The following AK8 variants were observed in gnomAD, a reference collection of about 807,000 sequenced individuals.
AK8 encodes adenylate kinase 8.
A neutral mutation model predicts 54.6 loss-of-function variants in AK8; 44 were observed. That is an observed-to-expected ratio of 0.81 (90% CI 0.63 to 1.04). The LOEUF (loss-of-function observed/expected upper bound fraction) is 1.04, where lower values mean the gene tolerates loss of function less well. AK8 is among the 50% of genes least tolerant of loss of function. AK8 has a pLI of 0.00. For synonymous variants in AK8, 239 were observed against 245.6 expected (o/e 0.97, Z 0.25); for missense variants, 555 against 613.6 (o/e 0.90, Z 1.01).
At chr9:132,806,758 G>A (rs1286339521) in intron 10 of AK8, among the ~76,000 whole-genome samples, 1 of 152,196 alleles carries the variant, frequency 6.6e-6, no homozygotes, top group Admixed American at 6.5e-5. Flanking sequence ...CACCTCCTGG[G>A]ATCTGGACTC....
chr9:132,781,874 T>C lies in AK8; in HGVS notation c.1121+10760A>G, dbSNP rs1040459186. On this transcript the variant is annotated intron_variant, in intron 11 of 12. Coordinates refer to ENST00000298545, the MANE Select transcript of AK8 (RefSeq NM_152572.3). The surrounding 1 kb of genome is among the most constrained non-coding windows in gnomAD (Gnocchi z 4.6). ...TGAACTTGAAGGTTTACGGCTAAGA[T>C]TACTTTCTGAGTTAATCATAAAAAT... 1.7e-4 allele frequency among the ~76,000 whole-genome samples: 26 copies of C among 152,356 alleles called. No homozygotes were observed. The highest frequency in any genetic ancestry group is 6.0e-4 in the African/African-American group (25 of 41,582).
At chr9:132,829,057 A>G (rs1337804947) in intron 5 of AK8, among the ~76,000 whole-genome samples, 3 of 151,944 alleles carry the variant, frequency 2.0e-5, no homozygotes, top group Non-Finnish European at 4.4e-5. Flanking sequence ...CCTGGGTTCA[A>G]GCAATTCTCC....
At chr9:132,844,297 C>CAAAAAAAAAAAAAAAAA (rs35309762) in intron 5 of AK8, among the ~76,000 whole-genome samples, 8 of 92,646 alleles carry the variant, frequency 8.6e-5, no homozygotes, top group East Asian at 3.3e-4. Context: ...TGCATTAGAC[C>CAAAAAAAAAAAAAAAAA]AAAAAAAAAA....
intron 2 of AK8, among the ~76,000 whole-genome samples, chr9:132,874,094 G>C (rs1588245629): frequency 6.6e-6 from 1 of 152,320 alleles, no homozygotes; most frequent in East Asian, 1.9e-4. Flanking sequence ...CTGAACAAGG[G>C]AATGTCTAGT....
chr9:132,858,585 C>A (rs1843267269), intron 4 of AK8, among the ~76,000 whole-genome samples: 1 of 152,228 alleles, frequency 6.6e-6, no homozygotes, highest in Admixed American at 6.5e-5. Flanking sequence ...CCACACCCCC[C>A]TTCTCCATAA....
chr9:132,833,875 A>G (rs1311491644), intron 5 of AK8, among the ~76,000 whole-genome samples: 2 of 152,192 alleles, frequency 1.3e-5, no homozygotes, highest in East Asian at 1.9e-4. Context: ...GCAACTTCAC[A>G]TGGGAAGGCT....
chr9:132,798,721 T>C (rs577851857), intron 10 of AK8, among the ~76,000 whole-genome samples: 19 of 150,218 alleles, frequency 1.3e-4, no homozygotes, highest in African/African-American at 4.4e-4. Context: ...AGATCTTCCA[T>C]AAAAGATGGC....
At chr9:132,820,821 G>C (rs149388516) in intron 9 of AK8, among the ~76,000 whole-genome samples, 1 of 152,174 alleles carries the variant, frequency 6.6e-6, no homozygotes, top group Non-Finnish European at 1.5e-5. Context: ...TGGCCGCAGC[G>C]GAGCAGACAG....
At chr9:132,806,833 G>A (rs1235591444) in intron 10 of AK8, among the ~76,000 whole-genome samples, 4 of 152,142 alleles carry the variant, frequency 2.6e-5, no homozygotes, top group African/African-American at 9.7e-5. Context: ...TTTGTATTAC[G>A]ATGGCTGCAT....
At chr9:132,787,535 C>T (rs1376943231) in intron 11 of AK8, among the ~76,000 whole-genome samples, 1 of 152,168 alleles carries the variant, frequency 6.6e-6, no homozygotes, top group Non-Finnish European at 1.5e-5. Context: ...ATAGAATAGA[C>T]ACTTTCAGAT....
In AK8 at chr9:132,753,671, C is replaced by T. The variant is rs188894498; in HGVS notation, c.1122-26137G>A. ...CATCCCCAGGGTGGCCCAGCTGGGGCGGAAGGGCACCCTCGCAGTGAGGGG... is the reference window on the plus strand; with the variant it reads ...CATCCCCAGGGTGGCCCAGCTGGGGTGGAAGGGCACCCTCGCAGTGAGGGG... On this transcript the variant is annotated intron_variant, in intron 11 of 12. Coordinates refer to ENST00000298545, the MANE Select transcript of AK8 (RefSeq NM_152572.3). 7.5e-4 allele frequency among the ~76,000 whole-genome samples: 114 copies of T among 152,276 alleles called. 1 individual carries two copies. The highest frequency in any genetic ancestry group is 2.5e-3 in the African/African-American group (105 of 41,554).
At chr9:132,746,460 A>T (rs1168116268) in intron 11 of AK8, among the ~76,000 whole-genome samples, 3 of 152,256 alleles carry the variant, frequency 2.0e-5, no homozygotes, top group Non-Finnish European at 4.4e-5. Context: ...CTAAGGGGAC[A>T]GGGATGGCAA....
Position 132,754,181 on chromosome 9 carries a change from G to A in AK8, c.1122-26647C>T, listed in dbSNP as rs376422940. 1.8e-4 allele frequency among the ~76,000 whole-genome samples: 27 copies of A among 152,308 alleles called. 1 individual carries two copies. In the East Asian group the frequency reaches 2.9e-3, roughly 16 times the overall value. On this transcript the variant is annotated intron_variant, in intron 11 of 12. Transcript: ENST00000298545. Reference sequence around the variant, plus strand: ...ATGCTACCAGGAGACGGCACAACACGCAAGGTCGGGAAAGGGGAAGCAGAT... The same window carrying A: ...ATGCTACCAGGAGACGGCACAACACACAAGGTCGGGAAAGGGGAAGCAGAT...
Position 132,828,087 on chromosome 9 carries a change from G to A in AK8, c.485-3C>T, listed in dbSNP as rs963899945. On this transcript the variant is annotated splice_polypyrimidine_tract_variant and splice_region_variant and intron_variant, in intron 6 of 12. Transcript: ENST00000298545. The stretch of plus-strand genomic sequence containing the variant: ...CGTGTCTGGAGCACTCAGCACAACT[G>A]GGCAGAGAAGAAAAGGAGCAAAACC... 3 of 1,567,476 alleles carry A rather than the reference G, an allele frequency of 1.9e-6. No homozygotes were observed. The highest frequency in any genetic ancestry group is 4.7e-5 in the East Asian group (2 of 42,632).
chr9:132,783,177 G>A (rs2809249), intron 11 of AK8, among the ~76,000 whole-genome samples: 25 of 151,888 alleles, frequency 1.6e-4, no homozygotes, highest in African/African-American at 5.8e-4. Context: ...CTTTCCCGGC[G>A]CTGGTCTCAG....
At chr9:132,839,823 G>GGC (rs1554801259) in intron 5 of AK8, among the ~76,000 whole-genome samples, 1 of 147,302 alleles carries the variant, frequency 6.8e-6, no homozygotes, top group Non-Finnish European at 1.5e-5. Context: ...TTTTTGCCGG[G>GGC]GGGGGGGGCG....
intron 10 of AK8, among the ~76,000 whole-genome samples, chr9:132,808,165 C>G (rs1040474546): frequency 6.6e-6 from 1 of 152,114 alleles, no homozygotes; most frequent in African/African-American, 2.4e-5. Flanking sequence ...GTGACAGGAG[C>G]TCCCTGGCAA....
At chr9:132,749,508 G>T (rs1837805406) in intron 11 of AK8, among the ~76,000 whole-genome samples, 1 of 151,788 alleles carries the variant, frequency 6.6e-6, no homozygotes, top group Non-Finnish European at 1.5e-5. Flanking sequence ...GCGTCTTCAT[G>T]GCAAGCCCGG....
intron 5 of AK8, among the ~76,000 whole-genome samples, chr9:132,848,329 T>A (rs1026063949): frequency 6.6e-6 from 1 of 152,074 alleles, no homozygotes; most frequent in Non-Finnish European, 1.5e-5. Flanking sequence ...TCCCCTTTAA[T>A]GCTCTGCCAA....
Sources: gnomAD v4.1 joint callset for allele counts (sites outside exome capture counted in the v4.1 genomes callset) on GRCh38, gnomAD v4.1.1 for gene constraint, Gnocchi (gnomAD v3.1) non-coding constraint, MANE v1.5 for transcripts, NCBI Gene and HGNC (gene_info 2026-07-23, HGNC 2026-07-21) for gene names.